Variants in TXLNA observed in about 807,000 individuals in gnomAD.
TXLNA encodes alpha-taxilin.
In TXLNA, 9 loss-of-function variants were observed where a neutral mutation model predicts 61.4. That is an observed-to-expected ratio of 0.15 (90% CI 0.09 to 0.26). The LOEUF is 0.26. TXLNA is among the 10% of genes least tolerant of loss of function. TXLNA has a pLI of 1.00. For synonymous variants in TXLNA, 257 were observed against 267.7 expected (o/e 0.96, Z 0.39); for missense variants, 565 against 688.8 (o/e 0.82, Z 2.01).
In TXLNA at chr1:32,179,741, C is replaced by T. The variant is rs1642606969; in HGVS notation, c.-68C>T. ...GTTACTCGGGGTTTCCGGTGCGAGG[C>T]CAGAGGTGGGGAAGCCATCGGACGT... On this transcript the variant is annotated 5_prime_UTR_variant, in exon 1 of 11. Coordinates refer to ENST00000373610, the MANE Select transcript of TXLNA (RefSeq NM_175852.4). 1 of 152,562 alleles carries T rather than the reference C, an allele frequency of 6.6e-6. No homozygotes were observed. The allele number at this position is 152,562 out of a possible 1,614,324, so 9.5% of individuals were successfully genotyped here.
chr1:32,180,518 T>C lies in TXLNA; in HGVS notation c.169+4T>C, dbSNP rs1642631301. The C allele has an allele frequency of 6.3e-7, 1 of 1,594,810 alleles. No individual in the cohort carries two copies. The highest frequency in any genetic ancestry group is 8.5e-7 in the Non-Finnish European group (1 of 1,171,086). On this transcript the variant is annotated splice_donor_region_variant and intron_variant, in intron 2 of 10. Transcript: ENST00000373610. ...CAGGCTCCTCGGAAGCCGGAGGGTG[T>C]GTGCCAGCTCTGCGTTGCCAGCGGG...
intron 4 of TXLNA, among the ~76,000 whole-genome samples, chr1:32,185,294 C>G (rs116251655): frequency 0.016 from 2,489 of 152,316 alleles, 32 homozygotes; most frequent in Non-Finnish European, 0.021. Context: ...CCAGATTCTT[C>G]CATCATCAGG....
chr1:32,180,590 C>T (rs972436583), intron 2 of TXLNA, 76 bp downstream of exon 2: 6 of 1,483,298 alleles, frequency 4.0e-6, no homozygotes, highest in African/African-American at 1.4e-5. Flanking sequence ...ACTTACAGGC[C>T]GAGGCCAGGT....
intron 9 of TXLNA, among the ~76,000 whole-genome samples, chr1:32,193,762 G>A (rs941660699): frequency 2.0e-5 from 3 of 150,866 alleles, no homozygotes; most frequent in Admixed American, 2.0e-4. Context: ...TCACCATGTT[G>A]GCCAGGCTGG....
In TXLNA at chr1:32,181,393, C is replaced by G. The variant is rs1245668062; in HGVS notation, c.321C>G (p.Pro107=). Residue 107 remains proline, a synonymous_variant, in exon 3 of 11, where the codon CCC becomes CCG. Coordinates refer to ENST00000373610, the MANE Select transcript of TXLNA (RefSeq NM_175852.4). ...GGGCACAGGGTGAGCCGGCTGAACC[C>G]GAAGATGCAGAGAAGTCCCGGACCT... is the stretch of plus-strand genomic sequence containing the variant. The part of the protein sequence containing the change: ...EDGAQGEPAE[P]EDAEKSRTYV... 6.2e-7 allele frequency: 1 copy of G among 1,614,156 alleles called. No homozygotes were observed. The highest frequency in any genetic ancestry group is 8.5e-7 in the Non-Finnish European group (1 of 1,180,038).
At chr1:32,181,159 G>A in intron 2 of TXLNA, 83 bp from the exon 3 acceptor site, 1 of 1,210,448 alleles carries the variant, frequency 8.3e-7, no homozygotes, top group Non-Finnish European at 1.1e-6. Flanking sequence ...TCAAACTGAT[G>A]AGTTTGGCTG....
At chr1:32,185,831 T>G (rs1642777780) in intron 4 of TXLNA, among the ~76,000 whole-genome samples, 1 of 151,892 alleles carries the variant, frequency 6.6e-6, no homozygotes, top group African/African-American at 2.4e-5. Flanking sequence ...CCCGAGTAGC[T>G]GGGATTACAG....
intron 5 of TXLNA, 24 bp from the exon 6 acceptor site, chr1:32,190,031 T>G (rs1642870089): frequency 6.5e-7 from 1 of 1,541,122 alleles, no homozygotes; most frequent in South Asian, 1.2e-5. Flanking sequence ...GGATGATGGC[T>G]CTCGGGCTGA....
intron 3 of TXLNA, among the ~76,000 whole-genome samples, chr1:32,183,919 C>G (rs1642727294): frequency 6.7e-6 from 1 of 150,328 alleles, no homozygotes; most frequent in Non-Finnish European, 1.5e-5. Flanking sequence ...TTGTGTATGT[C>G]TTTAGTAGAG....
intron 4 of TXLNA, 124 bp from the exon 5 acceptor site, chr1:32,187,830 G>A (rs1642819336): frequency 9.6e-7 from 1 of 1,045,394 alleles, no homozygotes; most frequent in Non-Finnish European, 1.4e-6. Flanking sequence ...CAGCCCATGA[G>A]AGTGCTCCTG....
chr1:32,180,313 G>A lies in TXLNA; in HGVS notation c.-32-1G>A. 7 of 1,565,204 alleles carry A rather than the reference G, an allele frequency of 4.5e-6. No individual in the cohort carries two copies. The South Asian group carries it at 8.2e-5, about 18-fold the overall frequency. On this transcript the variant is annotated splice_acceptor_variant, in intron 1 of 10. Coordinates refer to ENST00000373610, the MANE Select transcript of TXLNA (RefSeq NM_175852.4). LOFTEE classifies it low-confidence loss of function (5UTR_SPLICE). ...AATAGCAACTGTGTTTGTTTCTAAA[G>A]GATCTTCTCCTGACCCAGCATCGCT...
chr1:32,192,573 C>T lies in TXLNA; in HGVS notation c.1084-84C>T. On this transcript the variant is annotated intron_variant, in intron 7 of 10. Transcript: ENST00000373610. This position sits in a 1 kb window ranked among gnomAD's most constrained non-coding sequence, Gnocchi z 4.2. ...GTACCAGTCTGAGAGCAGGAAGCCT[C>T]AGTGGGTCTGGTGCTTGTGGCTAAA... 6.3e-7 allele frequency: 1 copy of T among 1,594,702 alleles called. No individual in the cohort carries two copies. The highest frequency in any genetic ancestry group is 8.6e-7 in the Non-Finnish European group (1 of 1,164,272).
At chr1:32,191,413 C>T (rs1415020151) in intron 6 of TXLNA, among the ~76,000 whole-genome samples, 1 of 152,124 alleles carries the variant, frequency 6.6e-6, no homozygotes, top group Non-Finnish European at 1.5e-5. Context: ...CCTTGCCATA[C>T]TTCATCCTCT....
At chr1:32,182,736 C>T (rs1471891374) in intron 3 of TXLNA, among the ~76,000 whole-genome samples, 1 of 151,812 alleles carries the variant, frequency 6.6e-6, no homozygotes, top group Non-Finnish European at 1.5e-5. Context: ...TCCCTTTTCC[C>T]CTTATGTATC....
chr1:32,190,505 C>G (rs553951429), intron 6 of TXLNA, among the ~76,000 whole-genome samples: 5 of 152,222 alleles, frequency 3.3e-5, no homozygotes, highest in Non-Finnish European at 7.3e-5. Flanking sequence ...GGAATTAGAA[C>G]TATCCACATT....
chr1:32,193,321 G>A, intron 9 of TXLNA, 21 bp downstream of exon 9: 2 of 1,576,010 alleles, frequency 1.3e-6, no homozygotes, highest in Non-Finnish European at 1.7e-6. Context: ...TCCAGGCCAG[G>A]CATGGCTGCT....
intron 4 of TXLNA, among the ~76,000 whole-genome samples, chr1:32,186,109 T>G (rs1371512511): frequency 6.6e-6 from 1 of 152,234 alleles, no homozygotes; most frequent in East Asian, 1.9e-4. Context: ...CTAATGACAT[T>G]CTTGTAAGGA....
chr1:32,189,125 T>A (rs1461900944), intron 5 of TXLNA, among the ~76,000 whole-genome samples: 1 of 152,214 alleles, frequency 6.6e-6, no homozygotes, highest in Non-Finnish European at 1.5e-5. Flanking sequence ...AGTGCCCTAG[T>A]TAAAGCATTT....
rs1216708924 is a variant in TXLNA, at chr1:32,196,889, C to T, written c.*1694C>T. 6.6e-6 allele frequency: 1 copy of T among 152,182 alleles called. No homozygotes were observed. Among genetic ancestry groups the T allele is most frequent in the Non-Finnish European group, 1.5e-5 (1 of 68,038 alleles). The allele number at this position is 152,182 out of a possible 1,614,324, so 9.4% of individuals were successfully genotyped here. A position where few individuals can be genotyped will look rare whatever the true frequency, so the allele number is the denominator to read the frequency against. ...GCAAATGAATGGCACACCATTTCTCCTTCTCCTGCCCCAGGGCAGGTACCA... is the reference window on the plus strand; with the variant it reads ...GCAAATGAATGGCACACCATTTCTCTTTCTCCTGCCCCAGGGCAGGTACCA... On this transcript the variant is annotated 3_prime_UTR_variant, in exon 11 of 11. Transcript: ENST00000373610.
Sources: gnomAD v4.1 joint callset for allele counts (sites outside exome capture counted in the v4.1 genomes callset) on GRCh38, gnomAD v4.1.1 for gene constraint, Gnocchi (gnomAD v3.1) non-coding constraint, MANE v1.5 for transcripts, NCBI Gene and HGNC (gene_info 2026-07-23, HGNC 2026-07-21) for gene names.